HDAC9: variants seen among roughly 807,000 people sequenced by gnomAD.
The protein encoded by HDAC9 is MEF-2 interacting transcription repressor (MITR) protein.
In HDAC9, 41 loss-of-function variants were observed where a neutral mutation model predicts 139.4. That is an observed-to-expected ratio of 0.29 (90% CI 0.23 to 0.38). The LOEUF is 0.38. Ranked by LOEUF, HDAC9 falls within the 10% of genes least tolerant of loss-of-function variation. The pLI is 1.00. For missense variants in HDAC9, 1,147 were observed against 1,297.0 expected, an observed-to-expected ratio of 0.88 and a Z score of 1.78; for synonymous variants, 517 against 476.2, an observed-to-expected ratio of 1.09 and a Z score of -1.12.
chr7:18,216,702 TTTA>T (rs1235356517), intron 2 of HDAC9, among the ~76,000 whole-genome samples: 1 of 152,168 alleles, frequency 6.6e-6, no homozygotes, highest in Non-Finnish European at 1.5e-5. Context: ...TTGGACATGT[TTTA>T]TTATTATTTA....
At chr7:18,884,043 G>A (rs1799938026) in intron 22 of HDAC9, among the ~76,000 whole-genome samples, 1 of 152,096 alleles carries the variant, frequency 6.6e-6, no homozygotes, top group South Asian at 2.1e-4. Flanking sequence ...GAAAAATATT[G>A]AAGAAGATGT....
chr7:18,745,568 C>G (rs1178827718), intron 13 of HDAC9, among the ~76,000 whole-genome samples: 4 of 110,910 alleles, frequency 3.6e-5, no homozygotes, highest in Non-Finnish European at 6.7e-5. Context: ...GAGACGGAGT[C>G]TCGGTCTGTC....
In HDAC9 at chr7:18,727,629, C is replaced by A; in HGVS notation, c.1781C>A (p.Pro594Gln). 6.3e-7 allele frequency: 1 copy of A among 1,588,684 alleles called. No homozygotes were observed. Among genetic ancestry groups the A allele is most frequent in the South Asian group, 1.2e-5 (1 of 86,634 alleles). ...CGTGCGCTCTCTGTGCGCCAAGCTC[C>A]GCTGGCTGCGGTTGGCATGGATGGA... ...HTRALSVRQA[P>Q]LAAVGMDGLE... The change falls in exon 13 of 26, where the codon CCG becomes CAG. Residue 594 changes from proline to glutamine, a missense_variant. By Grantham distance (76) the Pro-to-Gln change is moderately conservative (BLOSUM62 -1). Transcript: ENST00000686413.
At chr7:18,784,888 C>A (rs899478108) in intron 16 of HDAC9, among the ~76,000 whole-genome samples, 2 of 151,848 alleles carry the variant, frequency 1.3e-5, no homozygotes, top group African/African-American at 2.4e-5. Flanking sequence ...ATGAACCCAA[C>A]ATTCTCATGA....
At chr7:18,375,721 C>T (rs1275070227) in intron 1 of HDAC9, among the ~76,000 whole-genome samples, 2 of 152,046 alleles carry the variant, frequency 1.3e-5, no homozygotes, top group African/African-American at 4.8e-5. Context: ...TTAGTGGTGG[C>T]CCTGCCCCTA....
Position 18,591,599 on chromosome 7 carries a change from G to C in HDAC9, c.499G>C (p.Gly167Arg). The C allele has an allele frequency of 6.2e-7, 1 of 1,613,222 alleles. No homozygotes were observed. Among genetic ancestry groups the C allele is most frequent in the Non-Finnish European group, 8.5e-7 (1 of 1,179,616 alleles). The change falls in exon 5 of 26, where the codon GGA becomes CGA. Residue 167 changes from glycine (G) to arginine (R), a missense_variant. Gly to Arg is a moderately radical substitution (Grantham distance 125, BLOSUM62 -2). Around this residue, in one of 7 missense-constraint regions of HDAC9, gnomAD observed 79 missense variants for 65.8 expected, o/e 1.20. Coordinates refer to ENST00000686413, the MANE Select transcript of HDAC9 (RefSeq NM_178425.4). ...AGCAACGAAAGACACTCCAACTAAT[G>C]GAAAAAATCATTCCGTGAGCCGCCA... ...KSATKDTPTNGKNHSVSRHPK... is the reference protein window; with the variant it reads ...KSATKDTPTNRKNHSVSRHPK...
At chr7:18,924,894 G>T (rs559556582) in intron 22 of HDAC9, among the ~76,000 whole-genome samples, 7 of 152,238 alleles carry the variant, frequency 4.6e-5, no homozygotes, top group African/African-American at 1.4e-4. Flanking sequence ...TATAAGTGTT[G>T]CCATGGCCAT....
At chr7:18,988,512 T>C (rs1217944006) in intron 25 of HDAC9, among the ~76,000 whole-genome samples, 1 of 151,802 alleles carries the variant, frequency 6.6e-6, no homozygotes, top group African/African-American at 2.4e-5. Context: ...ATAGGTGTGG[T>C]GTGGTGCTGA....
At chr7:18,539,909 A>G (rs1812198976) in intron 2 of HDAC9, among the ~76,000 whole-genome samples, 1 of 152,022 alleles carries the variant, frequency 6.6e-6, no homozygotes. Flanking sequence ...AACAAAATAA[A>G]AGAAACAAAT....
chr7:18,930,661 G>A (rs975066397), intron 22 of HDAC9, among the ~76,000 whole-genome samples: 1 of 152,134 alleles, frequency 6.6e-6, no homozygotes, highest in African/African-American at 2.4e-5. Flanking sequence ...TGAAGAAAGG[G>A]CATGGGCCTT....
chr7:18,777,720 T>C (rs112812887), intron 16 of HDAC9, among the ~76,000 whole-genome samples: 1,685 of 152,050 alleles, frequency 0.011, 32 homozygotes, highest in African/African-American at 0.038. Context: ...AATTCTCGAC[T>C]TTGACCCCAG....
intron 2 of HDAC9, among the ~76,000 whole-genome samples, chr7:18,557,263 A>G (rs1284660955): frequency 6.6e-6 from 1 of 151,580 alleles, no homozygotes. Context: ...TAAAAAGCAG[A>G]TGTAGGTCAA....
chr7:18,715,242 G>T (rs1333534735), intron 12 of HDAC9, among the ~76,000 whole-genome samples: 3 of 144,808 alleles, frequency 2.1e-5, no homozygotes, highest in Admixed American at 6.9e-5. Context: ...AGGGGAAAGT[G>T]TTTTTTTTTT....
intron 21 of HDAC9, among the ~76,000 whole-genome samples, chr7:18,840,217 G>C (rs1796499899): frequency 6.6e-6 from 1 of 152,040 alleles, no homozygotes; most frequent in Non-Finnish European, 1.5e-5. Flanking sequence ...AAAGGTCATA[G>C]AGCTCTTGAT....
At chr7:18,379,187 ATACAAAC>A (rs1229104739) in intron 1 of HDAC9, among the ~76,000 whole-genome samples, 1 of 152,212 alleles carries the variant, frequency 6.6e-6, no homozygotes, top group African/African-American at 2.4e-5. Context: ...AAGAGAATGA[ATACAAAC>A]TACATTATTT....
At chr7:18,916,945 T>C (rs1803262613) in intron 22 of HDAC9, among the ~76,000 whole-genome samples, 1 of 152,006 alleles carries the variant, frequency 6.6e-6, no homozygotes, top group Admixed American at 6.6e-5. Flanking sequence ...AGAATGTTTA[T>C]TTCCGGAACC....
intron 12 of HDAC9, among the ~76,000 whole-genome samples, chr7:18,719,507 T>G (rs1464589462): frequency 6.6e-6 from 1 of 151,956 alleles, no homozygotes; most frequent in African/African-American, 2.4e-5. Context: ...GCCCAGCTAA[T>G]TTTTGTATTT....
intron 1 of HDAC9, among the ~76,000 whole-genome samples, chr7:18,134,084 A>G (rs1029060731): frequency 3.3e-5 from 5 of 151,784 alleles, no homozygotes; most frequent in Non-Finnish European, 7.4e-5. Flanking sequence ...TTGGTCCATT[A>G]CAACCATTGT....
chr7:18,113,865 A>C (rs1231954373), intron 1 of HDAC9, among the ~76,000 whole-genome samples: 1 of 152,174 alleles, frequency 6.6e-6, no homozygotes, highest in Non-Finnish European at 1.5e-5. Flanking sequence ...CTGAAATATT[A>C]ATTATCCTAA....
Sources: allele counts gnomAD v4.1 joint callset (sites outside exome capture counted in the v4.1 genomes callset), GRCh38; gene constraint gnomAD v4.1.1; regional missense constraint gnomAD v4.1.1; transcripts MANE v1.5; gene names NCBI Gene and HGNC (gene_info 2026-07-23, HGNC 2026-07-21).